Variants in CRIM1 observed in about 807,000 individuals in gnomAD.
CRIM1 encodes the protein cysteine rich transmembrane BMP regulator 1.
CRIM1 carries 32 observed loss-of-function variants against 116.4 expected under a neutral mutation model. The ratio of observed to expected loss-of-function variants is 0.27; its 90% CI spans 0.21 to 0.37. The LOEUF is 0.37. Among genes scored for constraint, CRIM1 ranks in the 10% least tolerant of loss-of-function variants. The pLI is 1.00. For missense variants in CRIM1, 1,331 were observed against 1,354.8 expected, an observed-to-expected ratio of 0.98 and a Z score of 0.28; for synonymous variants, 590 against 509.2, an observed-to-expected ratio of 1.16 and a Z score of -2.13.
chr2:36,371,115 G>T (rs1366224819), intron 1 of CRIM1, among the ~76,000 whole-genome samples: 1 of 152,152 alleles, frequency 6.6e-6, no homozygotes, highest in Non-Finnish European at 1.5e-5. Flanking sequence ...TGGAAAATGG[G>T]TGTGGTGTCA....
At chr2:36,510,671 AG>A (rs1664604285) in intron 9 of CRIM1, among the ~76,000 whole-genome samples, 2 of 152,128 alleles carry the variant, frequency 1.3e-5, no homozygotes, top group Non-Finnish European at 2.9e-5. Context: ...CTTGGAGCTA[AG>A]GGCCATTACT....
At chr2:36,487,123 A>G (rs1225606036) in intron 7 of CRIM1, among the ~76,000 whole-genome samples, 1 of 152,146 alleles carries the variant, frequency 6.6e-6, no homozygotes, top group Admixed American at 6.5e-5. Context: ...AACAGATACC[A>G]TTTTACCTAA....
intron 13 of CRIM1, among the ~76,000 whole-genome samples, chr2:36,523,056 G>A (rs1665520085): frequency 6.6e-6 from 1 of 150,572 alleles, no homozygotes; most frequent in South Asian, 2.2e-4. Flanking sequence ...CTGGGTTCAA[G>A]TAATTCTCCT....
chr2:36,544,442 TG>T lies in CRIM1; in HGVS notation c.2692del (p.Glu898ArgfsTer25). 1 of 1,426,724 alleles carries T rather than the reference TG, an allele frequency of 7.0e-7. No individual in the cohort carries two copies. Among genetic ancestry groups the T allele is most frequent in the Non-Finnish European group, 9.2e-7 (1 of 1,083,574 alleles). The allele number at this position is 1,426,724 out of a possible 1,614,324, so 88.4% of individuals were successfully genotyped here. A position where few individuals can be genotyped will look rare whatever the true frequency, so the allele number is the denominator to read the frequency against. On this transcript the variant is annotated frameshift_variant, in exon 15 of 17. Coordinates refer to ENST00000280527, the MANE Select transcript of CRIM1 (RefSeq NM_016441.3). LOFTEE classifies it high-confidence loss of function. ...EKTNHRGEVD[L>X]EVPLWPTPSE... ...ACAAACCATCGAGGAGAGGTTGACCTGGAGGTTCCCCTGTGGCCCACGCCTA... is the reference window on the plus strand; with the variant it reads ...ACAAACCATCGAGGAGAGGTTGACCTGAGGTTCCCCTGTGGCCCACGCCTA...
intron 1 of CRIM1, among the ~76,000 whole-genome samples, chr2:36,375,286 GT>G (rs1464035178): frequency 6.6e-6 from 1 of 152,090 alleles, no homozygotes; most frequent in Non-Finnish European, 1.5e-5. Context: ...TCAGGATTAA[GT>G]TTGTTGAAAT....
intron 14 of CRIM1, among the ~76,000 whole-genome samples, chr2:36,540,984 TTC>T (rs1453834017): frequency 2.6e-5 from 4 of 152,212 alleles, no homozygotes; most frequent in African/African-American, 7.2e-5. Context: ...GAAATTTAAT[TTC>T]TGTTAACTCT....
intron 2 of CRIM1, among the ~76,000 whole-genome samples, chr2:36,424,469 T>C (rs1036796440): frequency 1.3e-5 from 2 of 152,088 alleles, no homozygotes; most frequent in African/African-American, 4.8e-5. Flanking sequence ...GGGAAGAGCA[T>C]TGTAGGAGAT....
chr2:36,382,008 C>A (rs554446882), intron 1 of CRIM1, among the ~76,000 whole-genome samples: 2 of 152,164 alleles, frequency 1.3e-5, no homozygotes, highest in African/African-American at 4.8e-5. Flanking sequence ...CTGTTACCTC[C>A]CTCAAAGAGG....
At chr2:36,406,089 C>T (rs1672769493) in intron 2 of CRIM1, among the ~76,000 whole-genome samples, 1 of 152,018 alleles carries the variant, frequency 6.6e-6, no homozygotes, top group Non-Finnish European at 1.5e-5. Flanking sequence ...CAAAATATTT[C>T]CTAATATGTT....
intron 7 of CRIM1, 86 bp downstream of exon 7, chr2:36,479,780 T>A: frequency 7.5e-7 from 1 of 1,341,792 alleles, no homozygotes; most frequent in Non-Finnish European, 1.1e-6. Context: ...TTTGTTTATT[T>A]CCTTGGGCAT....
intron 4 of CRIM1, among the ~76,000 whole-genome samples, chr2:36,446,246 A>G (rs1029033264): frequency 1.3e-5 from 2 of 152,068 alleles, no homozygotes; most frequent in Non-Finnish European, 2.9e-5. Flanking sequence ...GCCCTTCCCT[A>G]TGAGACTATT....
At chr2:36,509,355 C>T (rs1385820172) in intron 8 of CRIM1, among the ~76,000 whole-genome samples, 1 of 152,076 alleles carries the variant, frequency 6.6e-6, no homozygotes, top group African/African-American at 2.4e-5. Flanking sequence ...GGCGAAACCG[C>T]ATCTCTACTA....
intron 4 of CRIM1, among the ~76,000 whole-genome samples, chr2:36,462,761 G>C (rs1677682115): frequency 6.6e-6 from 1 of 152,218 alleles, no homozygotes; most frequent in Non-Finnish European, 1.5e-5. Flanking sequence ...AAACTCCAGA[G>C]AGTTTTAAGT....
intron 1 of CRIM1, among the ~76,000 whole-genome samples, chr2:36,361,070 C>T (rs116327724): frequency 1.9e-3 from 293 of 152,292 alleles, no homozygotes; most frequent in Non-Finnish European, 3.6e-3. Flanking sequence ...GAGAGACCAA[C>T]TATTCACTGC....
chr2:36,528,844 T>A (rs1463129510), intron 13 of CRIM1, among the ~76,000 whole-genome samples: 1 of 152,186 alleles, frequency 6.6e-6, no homozygotes. Context: ...ACAACAAAAA[T>A]AAGCAGTGTT....
intron 1 of CRIM1, among the ~76,000 whole-genome samples, chr2:36,360,307 TC>T (rs887640862): frequency 7.2e-5 from 11 of 152,194 alleles, no homozygotes; most frequent in Non-Finnish European, 1.6e-4. Context: ...GAGTCACTGT[TC>T]CGAGGACTCT....
At position 36,362,739 on chromosome 2, in the gene CRIM1, AC is replaced by A. The variant is rs1462427696; in HGVS notation, c.331+6117del. Among the ~76,000 whole-genome samples, 3 of 152,262 alleles carry A rather than the reference AC, an allele frequency of 2.0e-5. No individual in the cohort carries two copies. In the East Asian group the frequency reaches 5.8e-4, roughly 29 times the overall value. ...CCCTCAAGGTAAACACTAAACTCTT[AC>A]GTGTTTTATCTTGGGCCCACATGAA... is the stretch of plus-strand genomic sequence containing the variant. On this transcript the variant is annotated intron_variant, in intron 1 of 16. Coordinates refer to ENST00000280527, the MANE Select transcript of CRIM1 (RefSeq NM_016441.3).
chr2:36,506,117 C>T (rs1266440582), intron 8 of CRIM1, among the ~76,000 whole-genome samples: 1 of 150,140 alleles, frequency 6.7e-6, no homozygotes, highest in Non-Finnish European at 1.5e-5. Flanking sequence ...AACAGGACAC[C>T]ATCCCATTGC....
At chr2:36,523,003 G>A (rs1243645469) in intron 13 of CRIM1, among the ~76,000 whole-genome samples, 1 of 150,932 alleles carries the variant, frequency 6.6e-6, no homozygotes, top group East Asian at 2.0e-4. Context: ...CACCCAGGCT[G>A]GAGTGCAGTG....
Sources: gnomAD v4.1 joint callset for allele counts (sites outside exome capture counted in the v4.1 genomes callset) on GRCh38, gnomAD v4.1.1 for gene constraint, MANE v1.5 for transcripts, NCBI Gene and HGNC (gene_info 2026-07-23, HGNC 2026-07-21) for gene names.